NRXN1: variants seen among roughly 807,000 people sequenced by gnomAD.
The protein encoded by NRXN1 is neurexin-1.
NRXN1 carries 39 observed loss-of-function variants against 150.9 expected under a neutral mutation model. The ratio of observed to expected loss-of-function variants is 0.26; its 90% CI spans 0.20 to 0.34. The LOEUF (loss-of-function observed/expected upper bound fraction) is 0.34. NRXN1 is among the 10% of genes least tolerant of loss of function. The pLI, the probability that NRXN1 is intolerant of heterozygous loss-of-function variation, is 1.00. For synonymous variants in NRXN1, 924 were observed against 757.0 expected (o/e 1.22, Z -3.62); for missense variants, 1,815 against 1,949.9 (o/e 0.93, Z 1.30).
At chr2:50,056,573 T>A (rs899066100) in intron 19 of NRXN1, among the ~76,000 whole-genome samples, 2 of 152,122 alleles carry the variant, frequency 1.3e-5, no homozygotes, top group Admixed American at 6.6e-5. Context: ...AACTAATAAT[T>A]TTTTTAAAAG....
chr2:51,008,819 T>A (rs549856616), intron 2 of NRXN1, among the ~76,000 whole-genome samples: 1 of 151,922 alleles, frequency 6.6e-6, no homozygotes, highest in South Asian at 2.1e-4. Context: ...TATACTTCTA[T>A]TTTTTATAGA....
intron 5 of NRXN1, among the ~76,000 whole-genome samples, chr2:50,797,296 G>A (rs1264510843): frequency 6.6e-6 from 1 of 152,044 alleles, no homozygotes; most frequent in African/African-American, 2.4e-5. Flanking sequence ...AACGGCATTT[G>A]CAACCAATAT....
chr2:50,145,263 A>G (rs971826837), intron 18 of NRXN1, among the ~76,000 whole-genome samples: 66 of 150,896 alleles, frequency 4.4e-4, no homozygotes, highest in African/African-American at 1.6e-3. Context: ...ATTTTTCTCA[A>G]TTTATTTAAT....
chr2:50,927,528 G>A (rs139914379), intron 2 of NRXN1, among the ~76,000 whole-genome samples: 1 of 152,026 alleles, frequency 6.6e-6, no homozygotes, highest in East Asian at 1.9e-4. Flanking sequence ...GGCTGAATTT[G>A]TTACTTTTCA....
intron 17 of NRXN1, among the ~76,000 whole-genome samples, chr2:50,328,420 G>T (rs1374858146): frequency 1.3e-5 from 2 of 151,958 alleles, no homozygotes; most frequent in Non-Finnish European, 2.9e-5. Context: ...CCCTTCTCCA[G>T]GCTGCAGCAT....
At chr2:49,937,763 T>G (rs973291137) in intron 22 of NRXN1, among the ~76,000 whole-genome samples, 1 of 152,194 alleles carries the variant, frequency 6.6e-6, no homozygotes, top group African/African-American at 2.4e-5. Flanking sequence ...AGCAATGTGT[T>G]GGCTATTACG....
At chr2:50,319,011 A>C (rs756894897) in intron 17 of NRXN1, among the ~76,000 whole-genome samples, 19 of 152,136 alleles carry the variant, frequency 1.2e-4, no homozygotes, top group Non-Finnish European at 2.4e-4. Flanking sequence ...AAACATAATA[A>C]GTTTAAATTA....
At position 50,848,259 on chromosome 2, in the gene NRXN1, AG is replaced by A. The variant is rs1673986136; in HGVS notation, c.832+73609del. 2.0e-5 allele frequency among the ~76,000 whole-genome samples: 3 copies of A among 152,164 alleles called. No homozygotes were observed. In the South Asian group the frequency reaches 6.2e-4, roughly 32 times the overall value. Reference sequence around the variant, plus strand: ...CATCGCACGCCCTGCGAGGGGGACAAGGGAATCTTTCCCATTTCAGAAGCTG... The same window carrying A: ...CATCGCACGCCCTGCGAGGGGGACAAGGAATCTTTCCCATTTCAGAAGCTG... On this transcript the variant is annotated intron_variant, in intron 5 of 22. Coordinates refer to ENST00000401669, the MANE Select transcript of NRXN1 (RefSeq NM_001330078.2).
chr2:50,341,947 A>T, intron 17 of NRXN1, among the ~76,000 whole-genome samples: 1 of 152,278 alleles, frequency 6.6e-6, no homozygotes, highest in African/African-American at 2.4e-5. Context: ...TAAGGAAAAA[A>T]TTGAATTTGC....
chr2:50,195,832 T>C (rs1377518674), intron 18 of NRXN1, among the ~76,000 whole-genome samples: 2 of 152,130 alleles, frequency 1.3e-5, no homozygotes, highest in African/African-American at 4.8e-5. Flanking sequence ...TTTTAAAATA[T>C]AATATTATCA....
intron 21 of NRXN1, among the ~76,000 whole-genome samples, chr2:50,027,171 T>G (rs909715295): frequency 3.9e-5 from 6 of 152,150 alleles, no homozygotes; most frequent in African/African-American, 1.4e-4. Context: ...CGTGAGCCAC[T>G]GCACCTGGCC....
intron 17 of NRXN1, among the ~76,000 whole-genome samples, chr2:50,277,216 C>A (rs550538248): frequency 2.0e-5 from 3 of 152,090 alleles, no homozygotes. Context: ...AAACAACAGT[C>A]GCCTGTTAAG....
At chr2:50,518,436 T>G (rs1388418751) in intron 12 of NRXN1, among the ~76,000 whole-genome samples, 1 of 151,938 alleles carries the variant, frequency 6.6e-6, no homozygotes, top group Non-Finnish European at 1.5e-5. Context: ...CATTAAAAAC[T>G]GAAAATGTAT....
At chr2:49,957,177 G>A (rs1388085502) in intron 21 of NRXN1, among the ~76,000 whole-genome samples, 1 of 152,094 alleles carries the variant, frequency 6.6e-6, no homozygotes, top group Non-Finnish European at 1.5e-5. Context: ...TCCCAGCTCT[G>A]CCACTTACTA....
chr2:50,374,767 T>C (rs2080360567), intron 17 of NRXN1, among the ~76,000 whole-genome samples: 1 of 152,208 alleles, frequency 6.6e-6, no homozygotes, highest in Non-Finnish European at 1.5e-5. Flanking sequence ...ACACAATATT[T>C]TAAAGTTATA....
chr2:50,260,633 T>C (rs1257480708), intron 17 of NRXN1, among the ~76,000 whole-genome samples: 1 of 47,998 alleles, frequency 2.1e-5, no homozygotes, highest in Non-Finnish European at 4.5e-5. Flanking sequence ...TTTTCCGTTT[T>C]TTTTTTTTTT....
At chr2:50,927,218 T>A (rs1687037265) in intron 2 of NRXN1, among the ~76,000 whole-genome samples, 1 of 152,032 alleles carries the variant, frequency 6.6e-6, no homozygotes, top group Admixed American at 6.6e-5. Context: ...TAGGTTCACC[T>A]AAAACCTTCT....
intron 5 of NRXN1, among the ~76,000 whole-genome samples, chr2:50,850,443 C>A (rs1384263490): frequency 6.6e-6 from 1 of 152,038 alleles, no homozygotes; most frequent in Non-Finnish European, 1.5e-5. Context: ...GATAAGTCAG[C>A]CTGTGGTAGT....
At chr2:50,602,395 CT>C (rs5831140) in intron 8 of NRXN1, among the ~76,000 whole-genome samples, 11 of 149,200 alleles carry the variant, frequency 7.4e-5, no homozygotes, top group Middle Eastern at 3.4e-3. Flanking sequence ...GTTCATTTTT[CT>C]TTTTTTTTTC....
Sources: gnomAD v4.1 joint callset for allele counts (sites outside exome capture counted in the v4.1 genomes callset) on GRCh38, gnomAD v4.1.1 for gene constraint, MANE v1.5 for transcripts, NCBI Gene and HGNC (gene_info 2026-07-23, HGNC 2026-07-21) for gene names.